The following CACNA1C variants were observed in gnomAD, a reference collection of about 807,000 sequenced individuals.
The protein encoded by CACNA1C is voltage-dependent L-type calcium channel subunit alpha-1C.
CACNA1C carries 30 observed loss-of-function variants against 229.0 expected under a neutral mutation model. That is an observed-to-expected ratio of 0.13 (90% confidence interval 0.10 to 0.18). The LOEUF is 0.18. CACNA1C is among the 10% of genes least tolerant of loss of function. CACNA1C has a pLI of 1.00. For synonymous variants in CACNA1C, 1,114 were observed against 1,132.5 expected, an observed-to-expected ratio of 0.98 and a Z score of 0.33; for missense variants, 1,658 against 2,845.0, an observed-to-expected ratio of 0.58 and a Z score of 9.49.
At chr12:2,590,042 C>T (rs1427150122) in intron 18 of CACNA1C, among the ~76,000 whole-genome samples, 3 of 152,184 alleles carry the variant, frequency 2.0e-5, no homozygotes, top group African/African-American at 7.2e-5. Flanking sequence ...CCAGGCACTC[C>T]CTTCAGCTGG....
At chr12:2,243,315 A>G (rs766359482) in intron 3 of CACNA1C, among the ~76,000 whole-genome samples, 8 of 152,154 alleles carry the variant, frequency 5.3e-5, no homozygotes, top group Admixed American at 1.3e-4. Context: ...TTGGTAAGTA[A>G]TTGCTGATGA....
At position 2,504,904 on chromosome 12, in the gene CACNA1C, G is replaced by T. The variant is rs1051360; in HGVS notation, c.1176G>T (p.Gly392=). The change falls in exon 8 of 47, where the codon GGG becomes GGT. Residue 392 remains glycine (G), a synonymous_variant. Transcript: ENST00000399655. This position sits in a 1 kb window ranked among gnomAD's most constrained non-coding sequence, Gnocchi z 6.8. ...ATTTTGTTACACTAATCATCATAGG[G>T]TCATTTTTTGTACTTAACTTGGTTC... The part of the protein sequence containing the change: ...WIYFVTLIII[G]SFFVLNLVLG... 2.8e-3 allele frequency: 4,500 copies of T among 1,606,526 alleles called. 10 individuals are homozygous for T. Among genetic ancestry groups the T allele is most frequent in the Non-Finnish European group, 3.5e-3 (4,131 of 1,173,584 alleles).
Position 2,489,236 on chromosome 12 carries a change from T to C in CACNA1C, c.916+2974T>C, listed in dbSNP as rs140949299. ...TTTTGATGAGATTTACATCAAATTC[T>C]TTTTATAGTCCAATATTATTTCACA... is the stretch of plus-strand genomic sequence containing the variant. On this transcript the variant is annotated intron_variant, in intron 6 of 46. Transcript: ENST00000399655. Among the ~76,000 whole-genome samples, 1,199 of 152,340 alleles carry C rather than the reference T, an allele frequency of 7.9e-3. 15 individuals are homozygous for C. Among genetic ancestry groups the C allele is most frequent in the African/African-American group, 0.027 (1,121 of 41,562 alleles).
At chr12:2,538,275 T>G (rs1277961258) in intron 9 of CACNA1C, among the ~76,000 whole-genome samples, 1 of 152,218 alleles carries the variant, frequency 6.6e-6, no homozygotes, top group Non-Finnish European at 1.5e-5. Context: ...TGTTTTATAT[T>G]TACTTTCTGA....
rs530756956 is a variant in CACNA1C, at chr12:2,185,116, C to T, written c.477+64686C>T. ...AGCAGCAGGAGTTCAAATGTCCCCACTGCCATCTCCAAGTTGTCTCTCTCG... is the reference window on the plus strand; with the variant it reads ...AGCAGCAGGAGTTCAAATGTCCCCATTGCCATCTCCAAGTTGTCTCTCTCG... On this transcript the variant is annotated intron_variant, in intron 3 of 46. Coordinates refer to ENST00000399655, the MANE Select transcript of CACNA1C (RefSeq NM_000719.7). Among the ~76,000 whole-genome samples, 5 of 152,356 alleles carry T rather than the reference C, an allele frequency of 3.3e-5. No homozygotes were observed. The East Asian group carries it at 9.6e-4, about 29-fold the overall frequency.
chr12:2,450,309 C>CT (rs1227790915), intron 4 of CACNA1C, among the ~76,000 whole-genome samples: 2 of 152,084 alleles, frequency 1.3e-5, no homozygotes, highest in Admixed American at 1.3e-4. Flanking sequence ...AATCCCAGCA[C>CT]TTTGGGAGGC....
intron 1 of CACNA1C, among the ~76,000 whole-genome samples, chr12:2,005,947 A>G (rs1007197284): frequency 6.6e-6 from 1 of 152,246 alleles, no homozygotes; most frequent in Non-Finnish European, 1.5e-5. Flanking sequence ...TAAAATATCC[A>G]TCTCTTTTCC....
At chr12:2,453,857 C>A (rs150076507) in intron 4 of CACNA1C, among the ~76,000 whole-genome samples, 7 of 152,340 alleles carry the variant, frequency 4.6e-5, no homozygotes, top group African/African-American at 1.7e-4. Context: ...GTGGGTGTAA[C>A]TGAATTCCAA....
Position 2,358,303 on chromosome 12 carries a change from GTGTGTC to G in CACNA1C, c.478-90671_478-90666del, listed in dbSNP as rs1262171556. Among the ~76,000 whole-genome samples, 60 of 120,800 alleles carry G rather than the reference GTGTGTC, an allele frequency of 5.0e-4. 1 individual carries two copies. Among genetic ancestry groups the G allele is most frequent in the Admixed American group, 2.6e-3 (30 of 11,560 alleles). 79.2% of individuals were successfully genotyped at this position (120,800 alleles called of 152,430 possible). A position where few individuals can be genotyped will look rare whatever the true frequency, so the allele number is the denominator to read the frequency against. ...TGTGTGTGTGTGTGTGTGTGTGTGT[GTGTGTC>G]TCTTTGTCATCTTCAGCATATCCAG... On this transcript the variant is annotated intron_variant, in intron 3 of 46. Transcript: ENST00000399655.
At chr12:2,365,393 T>G (rs528610225) in intron 3 of CACNA1C, among the ~76,000 whole-genome samples, 1 of 152,334 alleles carries the variant, frequency 6.6e-6, no homozygotes, top group South Asian at 2.1e-4. Flanking sequence ...AGTGTTGATT[T>G]TATTAAGGCA....
Position 2,610,644 on chromosome 12 carries a change from T to G in CACNA1C, c.3662T>G (p.Phe1221Cys). The G allele has an allele frequency of 6.2e-7, 1 of 1,614,162 alleles. No homozygotes were observed. Among genetic ancestry groups the G allele is most frequent in the Non-Finnish European group, 8.5e-7 (1 of 1,180,024 alleles). Residue 1221 changes from phenylalanine (F) to cysteine (C), a missense_variant, in exon 28 of 47, where the codon TTC becomes TGC. Physicochemically the swap from Phe to Cys is radical, Grantham distance 205 (BLOSUM62 -2). Coordinates refer to ENST00000399655, the MANE Select transcript of CACNA1C (RefSeq NM_000719.7). ...TGGTACGTGGTCAACTCCACCTACT[T>G]CGAGTACCTGATGTTCGTCCTCATC... ...KVWYVVNSTY[F>C]EYLMFVLILL...
At chr12:2,663,729 G>T (rs889055455) in intron 34 of CACNA1C, among the ~76,000 whole-genome samples, 16 of 139,988 alleles carry the variant, frequency 1.1e-4, no homozygotes, top group African/African-American at 3.1e-4. Context: ...ATAGAGAATA[G>T]AGTATCTTTT....
chr12:2,360,961 C>T (rs530472717), intron 3 of CACNA1C, among the ~76,000 whole-genome samples: 143 of 152,202 alleles, frequency 9.4e-4, no homozygotes, highest in African/African-American at 3.2e-3. Flanking sequence ...CACGACCATG[C>T]GCAAGCTCTC....
intron 22 of CACNA1C, among the ~76,000 whole-genome samples, chr12:2,604,554 C>T (rs1200835906): frequency 6.6e-6 from 1 of 152,194 alleles, no homozygotes; most frequent in Non-Finnish European, 1.5e-5. Context: ...CTTCAGCAGG[C>T]CTCATGAGCA....
In CACNA1C at chr12:2,566,672, A is replaced by C; in HGVS notation, c.1669+90A>C. ...GGGCATAACCACAGGCAGAAGGTGGAGGGGAAAGCAGCCAATGGTCGGGGC... is the reference window on the plus strand; with the variant it reads ...GGGCATAACCACAGGCAGAAGGTGGCGGGGAAAGCAGCCAATGGTCGGGGC... On this transcript the variant is annotated intron_variant, in intron 12 of 46. Transcript: ENST00000399655. The surrounding 1 kb of genome is among the most constrained non-coding windows in gnomAD (Gnocchi z 4.0). The C allele has an allele frequency of 8.9e-7, 1 of 1,128,444 alleles. No individual in the cohort carries two copies. 69.9% of individuals were successfully genotyped at this position (1,128,444 alleles called of 1,614,324 possible). A position where few individuals can be genotyped will look rare whatever the true frequency, so the allele number is the denominator to read the frequency against.
chr12:2,482,923 C>T (rs2099682111), intron 5 of CACNA1C, among the ~76,000 whole-genome samples: 1 of 152,224 alleles, frequency 6.6e-6, no homozygotes, highest in Admixed American at 6.5e-5. Flanking sequence ...TGTGCCTTTT[C>T]ACCATTCCTG....
chr12:2,378,042 T>A (rs1003463165), intron 3 of CACNA1C, among the ~76,000 whole-genome samples: 3 of 151,976 alleles, frequency 2.0e-5, no homozygotes, highest in Admixed American at 6.6e-5. Context: ...AAGAGTATGA[T>A]CCCCCGCAGA....
chr12:2,035,086 C>A (rs2048876144), intron 1 of CACNA1C, among the ~76,000 whole-genome samples: 1 of 152,202 alleles, frequency 6.6e-6, no homozygotes, highest in African/African-American at 2.4e-5. Flanking sequence ...CCTGCTGGTG[C>A]GCGGAGATGC....
intron 9 of CACNA1C, among the ~76,000 whole-genome samples, chr12:2,514,599 C>T (rs1568155023): frequency 6.6e-6 from 1 of 152,112 alleles, no homozygotes; most frequent in Non-Finnish European, 1.5e-5. Context: ...CACGGAGAAG[C>T]CTACCTCTAA....
Sources: gnomAD v4.1 joint callset for allele counts (sites outside exome capture counted in the v4.1 genomes callset) on GRCh38, gnomAD v4.1.1 for gene constraint, Gnocchi (gnomAD v3.1) non-coding constraint, MANE v1.5 for transcripts, NCBI Gene and HGNC (gene_info 2026-07-23, HGNC 2026-07-21) for gene names.